VSIG10: variants seen among roughly 807,000 people sequenced by gnomAD.
VSIG10 encodes V-set and immunoglobulin domain containing 10, also known as V-set and immunoglobulin domain-containing protein 10.
VSIG10 carries 48 observed loss-of-function variants against 58.7 expected under a neutral mutation model. The observed-to-expected ratio is 0.82, with a 90% CI of 0.65 to 1.04. VSIG10 has a LOEUF of 1.04. Among genes scored for constraint, VSIG10 ranks in the 50% least tolerant of loss-of-function variants. The pLI, the probability that VSIG10 is intolerant of heterozygous loss-of-function variation, is 0.00. For synonymous variants in VSIG10, 260 were observed against 267.1 expected, an observed-to-expected ratio of 0.97 and a Z score of 0.26; for missense variants, 628 against 670.0, an observed-to-expected ratio of 0.94 and a Z score of 0.69.
intron 2 of VSIG10, among the ~76,000 whole-genome samples, chr12:118,093,671 G>A (rs1592890288): frequency 1.3e-5 from 2 of 152,036 alleles, no homozygotes; most frequent in South Asian, 4.1e-4. Flanking sequence ...AGTACTTTGG[G>A]AGGCCGAGGT....
intron 2 of VSIG10, among the ~76,000 whole-genome samples, chr12:118,086,675 G>A (rs572257997): frequency 1.3e-5 from 2 of 152,224 alleles, no homozygotes; most frequent in South Asian, 2.1e-4. Context: ...CGGGAGGATC[G>A]CTTGAACCCA....
chr12:118,071,783 C>G (rs923110796), intron 5 of VSIG10, among the ~76,000 whole-genome samples: 1 of 152,164 alleles, frequency 6.6e-6, no homozygotes, highest in African/African-American at 2.4e-5. Context: ...ACAGAGTGAT[C>G]AACGGAACAG....
chr12:118,079,241 C>T (rs1157603942), intron 4 of VSIG10, 105 bp downstream of exon 4: 7 of 1,467,262 alleles, frequency 4.8e-6, no homozygotes, highest in Non-Finnish European at 5.5e-6. Flanking sequence ...TTCAGTCCAC[C>T]CTGACATCCG....
intron 4 of VSIG10, among the ~76,000 whole-genome samples, chr12:118,078,937 TAAAAAAAAAAAAA>T (rs35469920): frequency 1.5e-4 from 6 of 39,920 alleles, no homozygotes; most frequent in Middle Eastern, 0.013. Flanking sequence ...AGACTCTGCC[TAAAAAAAAAAAAA>T]AAAAAAAAAA....
chr12:118,082,157 G>A lies in VSIG10; in HGVS notation c.634C>T (p.Arg212Ter), dbSNP rs368468021. The change falls in exon 3 of 9, where the codon CGA (arginine) becomes TGA (stop). Residue 212 changes from arginine (R) to a stop codon, truncating the protein, a stop_gained. Coordinates refer to ENST00000359236, the MANE Select transcript of VSIG10 (RefSeq NM_019086.6). LOFTEE classifies it high-confidence loss of function. ...LALNQLSKRH[R>*]KVTTELLVYY... ...ACCAGGAGCTCGGTGGTCACCTTTC[G>A]ATGTCTCTTGCTGAGCTGATTCAAG... is the stretch of plus-strand genomic sequence containing the variant. 6.2e-6 allele frequency: 10 copies of A among 1,613,646 alleles called. No homozygotes were observed. Among genetic ancestry groups the A allele is most frequent in the Non-Finnish European group, 7.6e-6 (9 of 1,179,842 alleles).
At chr12:118,090,523 A>AT (rs1429990139) in intron 2 of VSIG10, among the ~76,000 whole-genome samples, 4 of 152,100 alleles carry the variant, frequency 2.6e-5, no homozygotes, top group Non-Finnish European at 5.9e-5. Flanking sequence ...CTGGCCTCCC[A>AT]TATTTCACAC....
chr12:118,077,233 C>CT (rs1432298326), intron 4 of VSIG10, among the ~76,000 whole-genome samples: 1 of 152,120 alleles, frequency 6.6e-6, no homozygotes, highest in Non-Finnish European at 1.5e-5. Context: ...ACCTCAGGGC[C>CT]TCTGCGTTTG....
chr12:118,070,547 C>CAAAAA (rs10607174), intron 7 of VSIG10, among the ~76,000 whole-genome samples: 2 of 111,652 alleles, frequency 1.8e-5, no homozygotes, highest in Non-Finnish European at 1.9e-5. Context: ...GATTCTGTCT[C>CAAAAA]AAAAAAAAAA....
Position 118,098,930 on chromosome 12 carries a change from G to GGC in VSIG10, c.80-3117_80-3116insGC, listed in dbSNP as rs930788137. On this transcript the variant is annotated intron_variant, in intron 1 of 8. Coordinates refer to ENST00000359236, the MANE Select transcript of VSIG10 (RefSeq NM_019086.6). ...TTTTTTAAGAGATGGGGGTTGGGGG[G>GGC]GGTCTCACTCTGATGTCCTGGACAG... Among the ~76,000 whole-genome samples, 78 of 150,544 alleles carry GGC rather than the reference G, an allele frequency of 5.2e-4. 2 individuals are homozygous for GGC. The highest frequency in any genetic ancestry group is 1.3e-3 in the Admixed American group (20 of 15,040).
At position 118,064,934 on chromosome 12, in the gene VSIG10, G is replaced by C. The variant is rs1382853849; in HGVS notation, c.*1705C>G. On this transcript the variant is annotated 3_prime_UTR_variant, in exon 9 of 9. Coordinates refer to ENST00000359236, the MANE Select transcript of VSIG10 (RefSeq NM_019086.6). ...TTTAAGCCCTAGGTCCTGCCCACTA[G>C]AGCAGATACGCAACATTAAAGAGTG... 1.3e-5 allele frequency: 2 copies of C among 152,176 alleles called. No homozygotes were observed. The highest frequency in any genetic ancestry group is 2.9e-5 in the Non-Finnish European group (2 of 68,032). 9.4% of individuals were successfully genotyped at this position (152,176 alleles called of 1,614,324 possible). A position where few individuals can be genotyped will look rare whatever the true frequency, so the allele number is the denominator to read the frequency against.
At chr12:118,078,112 T>C (rs957568350) in intron 4 of VSIG10, among the ~76,000 whole-genome samples, 17 of 152,226 alleles carry the variant, frequency 1.1e-4, no homozygotes, top group African/African-American at 4.1e-4. Flanking sequence ...TTTGGGTAAG[T>C]GAATTCTCAT....
At chr12:118,071,939 G>A (rs906457174) in intron 5 of VSIG10, among the ~76,000 whole-genome samples, 3 of 152,012 alleles carry the variant, frequency 2.0e-5, no homozygotes, top group Non-Finnish European at 2.9e-5. Flanking sequence ...GGAGGCTGAG[G>A]AGGGCGGATC....
At chr12:118,073,610 G>C in intron 5 of VSIG10, 89 bp downstream of exon 5, 3 of 1,459,508 alleles carry the variant, frequency 2.1e-6, no homozygotes, top group Non-Finnish European at 2.8e-6. Flanking sequence ...TGACCCATGT[G>C]TAGGGAGGCA....
At chr12:118,099,574 C>A (rs1325781333) in intron 1 of VSIG10, among the ~76,000 whole-genome samples, 1 of 152,140 alleles carries the variant, frequency 6.6e-6, no homozygotes, top group Non-Finnish European at 1.5e-5. Context: ...CAATCAAGAC[C>A]CAATACAAAG....
chr12:118,094,440 G>A (rs895141267), intron 2 of VSIG10, among the ~76,000 whole-genome samples: 1 of 152,064 alleles, frequency 6.6e-6, no homozygotes, highest in Non-Finnish European at 1.5e-5. Context: ...CTGGAGTGCA[G>A]TGGCACGATC....
At chr12:118,068,346 C>CTGTT (rs1186414229) in intron 8 of VSIG10, 31 bp downstream of exon 8, 4 of 1,599,902 alleles carry the variant, frequency 2.5e-6, no homozygotes, top group African/African-American at 1.4e-5. Flanking sequence ...TGTTTGTTTT[C>CTGTT]TGTTTGTTTG....
intron 4 of VSIG10, among the ~76,000 whole-genome samples, chr12:118,077,223 A>C (rs973571977): frequency 1.3e-5 from 2 of 151,784 alleles, no homozygotes; most frequent in Non-Finnish European, 2.9e-5. Context: ...GTTTGTTTCC[A>C]CCTCAGGGCC....
chr12:118,074,607 T>A, intron 4 of VSIG10, among the ~76,000 whole-genome samples: 1 of 151,426 alleles, frequency 6.6e-6, no homozygotes, highest in East Asian at 1.9e-4. Flanking sequence ...GCCTCCCAAG[T>A]GGCTGGGATT....
At chr12:118,093,310 A>G (rs1232441586) in intron 2 of VSIG10, among the ~76,000 whole-genome samples, 1 of 151,912 alleles carries the variant, frequency 6.6e-6, no homozygotes, top group Non-Finnish European at 1.5e-5. Context: ...AAAAAAAAAA[A>G]AATTCATAAT....
Sources: allele counts gnomAD v4.1 joint callset (sites outside exome capture counted in the v4.1 genomes callset), GRCh38; gene constraint gnomAD v4.1.1; transcripts MANE v1.5; gene names NCBI Gene and HGNC (gene_info 2026-07-23, HGNC 2026-07-21).